Variants in WDPCP observed in about 807,000 individuals in gnomAD.
WDPCP encodes WD repeat containing planar cell polarity effector.
Under a neutral mutation model 93.1 loss-of-function variants are expected in WDPCP, and 71 were observed. The observed-to-expected ratio is 0.76, with a 90% confidence interval of 0.63 to 0.93. WDPCP has a LOEUF of 0.93. Ranked by LOEUF, WDPCP falls within the 40% of genes least tolerant of loss-of-function variation. The pLI is 0.00. For synonymous variants in WDPCP, 315 were observed against 315.0 expected (o/e 1.00, Z 0.00); for missense variants, 844 against 887.4 (o/e 0.95, Z 0.62).
intron 12 of WDPCP, among the ~76,000 whole-genome samples, chr2:63,328,665 A>G (rs1405697896): frequency 6.6e-6 from 1 of 152,190 alleles, no homozygotes; most frequent in Non-Finnish European, 1.5e-5. Context: ...TTCCAGACAC[A>G]TTACCACACT....
chr2:63,659,949 G>T (rs1345247719), intron 2 of WDPCP, among the ~76,000 whole-genome samples: 1 of 151,952 alleles, frequency 6.6e-6, no homozygotes, highest in Admixed American at 6.6e-5. Flanking sequence ...TCTTTGCAAA[G>T]ATACAACTCT....
At chr2:63,500,454 G>T (rs1446566) in intron 1 of WDPCP, among the ~76,000 whole-genome samples, 3,750 of 149,516 alleles carry the variant, frequency 0.025, 123 homozygotes, top group African/African-American at 0.071. Context: ...ATGGTGTGGG[G>T]GTGTGTGTGT....
intron 17 of WDPCP, among the ~76,000 whole-genome samples, chr2:63,152,030 A>T (rs1455939804): frequency 2.0e-5 from 3 of 152,172 alleles, no homozygotes; most frequent in African/African-American, 7.2e-5. Context: ...CTGAGATGCG[A>T]TGTCAGAGAC....
chr2:63,205,243 A>G (rs1311736851), intron 14 of WDPCP, among the ~76,000 whole-genome samples: 1 of 152,098 alleles, frequency 6.6e-6, no homozygotes, highest in Non-Finnish European at 1.5e-5. Context: ...TGGTTACTAT[A>G]GCTCTGTAGT....
chr2:63,805,800 T>C (rs1670755659), intron 2 of WDPCP, among the ~76,000 whole-genome samples: 4 of 152,200 alleles, frequency 2.6e-5, no homozygotes, highest in Admixed American at 2.0e-4. Flanking sequence ...GATTTTGATG[T>C]TTGTCCCCTC....
chr2:63,196,183 G>T (rs1219214190), intron 14 of WDPCP, among the ~76,000 whole-genome samples: 1 of 152,170 alleles, frequency 6.6e-6, no homozygotes. Flanking sequence ...TAGTGATGCT[G>T]GAATTTCTGC....
intron 1 of WDPCP, among the ~76,000 whole-genome samples, chr2:63,563,211 A>T (rs1027827815): frequency 2.0e-5 from 3 of 152,132 alleles, no homozygotes; most frequent in Non-Finnish European, 4.4e-5. Context: ...TAATGTTAAT[A>T]GAACAAGTGA....
chr2:63,347,696 G>T (rs1689288360), intron 12 of WDPCP, among the ~76,000 whole-genome samples: 2 of 151,508 alleles, frequency 1.3e-5, no homozygotes, highest in African/African-American at 4.9e-5. Context: ...GGGTCATTGG[G>T]TGTTGAAGAA....
intron 13 of WDPCP, among the ~76,000 whole-genome samples, chr2:63,288,599 T>A (rs1181973975): frequency 6.6e-6 from 1 of 152,192 alleles, no homozygotes; most frequent in Non-Finnish European, 1.5e-5. Context: ...CAGAGTAAGT[T>A]GCCAACATAT....
intron 2 of WDPCP, among the ~76,000 whole-genome samples, chr2:63,775,466 G>A (rs969338459): frequency 2.6e-5 from 4 of 152,190 alleles, no homozygotes; most frequent in Non-Finnish European, 4.4e-5. Context: ...TTTAGTACTA[G>A]TATGTCTCCT....
At chr2:63,148,426 G>A (rs924429196) in intron 17 of WDPCP, among the ~76,000 whole-genome samples, 1 of 152,182 alleles carries the variant, frequency 6.6e-6, no homozygotes, top group Non-Finnish European at 1.5e-5. Context: ...TGCAACCTCT[G>A]CCTCCTGGGT....
intron 12 of WDPCP, among the ~76,000 whole-genome samples, chr2:63,314,217 C>T (rs1686456460): frequency 6.6e-6 from 1 of 150,406 alleles, no homozygotes; most frequent in Non-Finnish European, 1.5e-5. Context: ...CACTCTGTCA[C>T]CCAGGCTGGA....
rs542261088 is a variant in WDPCP, at chr2:63,174,744, T to A, written c.2004A>T (p.Pro668=). The stretch of plus-strand genomic sequence containing the variant: ...TTGGGCAAGAGGGAGGGAGGTTATC[T>A]GGAAATGAGTCTTCTCCTTGAGGTG... ...SLAPQGEDSF[P]DNLPPSCPTH... is the part of the protein sequence containing the mutation. Residue 668 remains proline (P), a synonymous_variant, in exon 15 of 18, where the codon CCA becomes CCT. Coordinates refer to ENST00000272321, the MANE Select transcript of WDPCP (RefSeq NM_015910.7). The A allele has an allele frequency of 1.9e-6, 3 of 1,614,026 alleles. No individual in the cohort carries two copies. In the East Asian group the frequency reaches 6.7e-5, roughly 36 times the overall value.
intron 7 of WDPCP, among the ~76,000 whole-genome samples, chr2:63,439,159 A>G (rs1697334262): frequency 6.6e-6 from 1 of 152,150 alleles, no homozygotes; most frequent in African/African-American, 2.4e-5. Context: ...CTTTTGGTTC[A>G]ATAAATGTCA....
At chr2:63,825,138 A>C (rs1366602219) in intron 1 of WDPCP, among the ~76,000 whole-genome samples, 1 of 152,166 alleles carries the variant, frequency 6.6e-6, no homozygotes, top group East Asian at 1.9e-4. Flanking sequence ...TCTCACTAAT[A>C]AATGCCGGTG....
chr2:63,351,136 C>T (rs1689579308), intron 12 of WDPCP, among the ~76,000 whole-genome samples: 1 of 151,952 alleles, frequency 6.6e-6, no homozygotes, highest in Non-Finnish European at 1.5e-5. Context: ...CGTGTGCCAC[C>T]ACATCTGGCT....
At chr2:63,622,088 AG>A in intron 3 of WDPCP, 3 of 666,830 alleles carry the variant, frequency 4.5e-6, no homozygotes, top group South Asian at 5.1e-5. Flanking sequence ...TTTTTTTGGA[AG>A]TTGATTTTTA....
At chr2:63,273,356 A>G (rs1013119384) in intron 13 of WDPCP, among the ~76,000 whole-genome samples, 4 of 152,046 alleles carry the variant, frequency 2.6e-5, no homozygotes, top group Non-Finnish European at 5.9e-5. Context: ...GTCAAATGTT[A>G]CTACTACAGA....
intron 1 of WDPCP, among the ~76,000 whole-genome samples, chr2:63,585,217 T>G (rs922357667): frequency 2.6e-5 from 4 of 152,180 alleles, no homozygotes; most frequent in African/African-American, 9.6e-5. Context: ...TAACTAAATT[T>G]GGAATTACTA....
Sources: allele counts gnomAD v4.1 joint callset (sites outside exome capture counted in the v4.1 genomes callset), GRCh38; gene constraint gnomAD v4.1.1; transcripts MANE v1.5; gene names NCBI Gene and HGNC (gene_info 2026-07-23, HGNC 2026-07-21).